ERBB4: variants seen among roughly 807,000 people sequenced by gnomAD.
ERBB4 encodes the protein erb-b2 receptor tyrosine kinase 4, also known as receptor tyrosine-protein kinase erbB-4.
In ERBB4, 42 loss-of-function variants were observed where a neutral mutation model predicts 158.0. The observed-to-expected ratio is 0.27, with a 90% CI of 0.21 to 0.34. The LOEUF (loss-of-function observed/expected upper bound fraction) is 0.34, where lower values mean the gene tolerates loss of function less well. Ranked by LOEUF, ERBB4 falls within the 10% of genes least tolerant of loss-of-function variation. The pLI, the probability that ERBB4 is intolerant of heterozygous loss-of-function variation, is 1.00. For missense variants in ERBB4, 1,333 were observed against 1,624.1 expected (o/e 0.82, Z 3.08); for synonymous variants, 583 against 558.7 (o/e 1.04, Z -0.61).
In ERBB4 at chr2:211,679,198, A is replaced by AGATC. The variant is rs765478846; in HGVS notation, c.1490-15_1490-14insGATC. 3 of 1,613,218 alleles carry AGATC rather than the reference A, an allele frequency of 1.9e-6. No homozygotes were observed. In the Admixed American group the frequency reaches 5.0e-5, roughly 27 times the overall value. ...TTCCTTCAGCAGCTGTGAAACACCA[A>AGATC]AATCAAGGGGAAATAAAACAGAGGA... On this transcript the variant is annotated splice_polypyrimidine_tract_variant and intron_variant, in intron 12 of 27. Coordinates refer to ENST00000342788, the MANE Select transcript of ERBB4 (RefSeq NM_005235.3).
At chr2:211,691,568 ATGTGTGTGTGTGTGTGTG>A (rs61091828) in intron 12 of ERBB4, among the ~76,000 whole-genome samples, 4 of 139,052 alleles carry the variant, frequency 2.9e-5, no homozygotes, top group African/African-American at 1.1e-4. Flanking sequence ...ATAGAAACAT[ATGTGTGTGTGTGTGTGTG>A]TGTGTGTGTG....
chr2:211,666,500 T>C (rs911181209), intron 14 of ERBB4, among the ~76,000 whole-genome samples: 2 of 152,182 alleles, frequency 1.3e-5, no homozygotes, highest in African/African-American at 4.8e-5. Context: ...AAAACATATA[T>C]GAATTTTACA....
At chr2:212,304,740 G>C (rs2086745605) in intron 1 of ERBB4, among the ~76,000 whole-genome samples, 1 of 151,388 alleles carries the variant, frequency 6.6e-6, no homozygotes, top group South Asian at 2.1e-4. Context: ...TCAAGAACCT[G>C]AGCCCTTCTA....
At chr2:212,521,817 T>C (rs1332711290) in intron 1 of ERBB4, among the ~76,000 whole-genome samples, 1 of 151,960 alleles carries the variant, frequency 6.6e-6, no homozygotes, top group East Asian at 1.9e-4. Flanking sequence ...TCCTCTATTT[T>C]ACTCCTTGCA....
intron 19 of ERBB4, among the ~76,000 whole-genome samples, chr2:211,592,889 T>C (rs1369107702): frequency 1.3e-5 from 2 of 151,972 alleles, no homozygotes; most frequent in Non-Finnish European, 2.9e-5. Context: ...TGGGCACCTG[T>C]AATCCCAGCT....
intron 20 of ERBB4, among the ~76,000 whole-genome samples, chr2:211,491,384 T>C (rs547918016): frequency 2.6e-5 from 4 of 152,192 alleles, no homozygotes; most frequent in Non-Finnish European, 4.4e-5. Context: ...GATTCTTTAA[T>C]TGGACATGAC....
rs2106131845 is a variant in ERBB4 at position 211,725,132 on chromosome 2, A to T, written c.685T>A (p.Cys229Ser). The T allele has an allele frequency of 6.2e-7, 1 of 1,614,174 alleles. No homozygotes were observed. Among genetic ancestry groups the T allele is most frequent in the South Asian group, 1.1e-5 (1 of 91,086 alleles). ...GRCYGPYVSDCCHRECAGGCS... is the reference protein window; with the variant it reads ...GRCYGPYVSDSCHRECAGGCS... Reference sequence around the variant, plus strand: ...CCTCCAGCACATTCTCGATGGCAGCAGTCACTGACGTAAGGTCCGTAGCAT... The same window carrying T: ...CCTCCAGCACATTCTCGATGGCAGCTGTCACTGACGTAAGGTCCGTAGCAT... Residue 229 changes from cysteine to serine, a missense_variant, in exon 6 of 28, where the codon TGC becomes AGC. Transcript: ENST00000342788.
At chr2:211,445,925 G>A (rs1037580356) in intron 20 of ERBB4, among the ~76,000 whole-genome samples, 3 of 152,136 alleles carry the variant, frequency 2.0e-5, no homozygotes, top group Non-Finnish European at 4.4e-5. Flanking sequence ...TGTTCCAGCA[G>A]CAGAGATGGG....
At chr2:211,914,457 G>A (rs2079631865) in intron 3 of ERBB4, among the ~76,000 whole-genome samples, 1 of 151,890 alleles carries the variant, frequency 6.6e-6, no homozygotes, top group Non-Finnish European at 1.5e-5. Flanking sequence ...TTAAAATTTT[G>A]ATTTAAAGAT....
At chr2:212,367,838 A>G (rs938687884) in intron 1 of ERBB4, among the ~76,000 whole-genome samples, 1 of 152,122 alleles carries the variant, frequency 6.6e-6, no homozygotes, top group Non-Finnish European at 1.5e-5. Context: ...AAAATGCTCA[A>G]CATCACTAAT....
At chr2:211,881,392 G>A (rs974766220) in intron 3 of ERBB4, among the ~76,000 whole-genome samples, 2 of 152,108 alleles carry the variant, frequency 1.3e-5, no homozygotes, top group African/African-American at 4.8e-5. Context: ...ATACTGAGCC[G>A]CAAACATCGA....
chr2:212,508,968 T>A (rs766063208), intron 1 of ERBB4, among the ~76,000 whole-genome samples: 1 of 152,162 alleles, frequency 6.6e-6, no homozygotes, highest in Non-Finnish European at 1.5e-5. Context: ...AGGCTTTGAA[T>A]TAATGTGGTA....
chr2:211,962,681 C>A (rs538516218), intron 2 of ERBB4, among the ~76,000 whole-genome samples: 1 of 152,180 alleles, frequency 6.6e-6, no homozygotes, highest in East Asian at 1.9e-4. Flanking sequence ...GCAAGAGATG[C>A]GGAAGGCAGT....
intron 1 of ERBB4, among the ~76,000 whole-genome samples, chr2:212,278,801 A>G (rs1020685933): frequency 1.3e-5 from 2 of 151,680 alleles, no homozygotes; most frequent in Non-Finnish European, 3.0e-5. Context: ...AGAAAAGGTT[A>G]ACTTGCCTCA....
At chr2:211,411,060 C>T (rs537219544) in intron 25 of ERBB4, among the ~76,000 whole-genome samples, 23 of 152,236 alleles carry the variant, frequency 1.5e-4, no homozygotes, top group African/African-American at 4.3e-4. Flanking sequence ...AGGCATGCGC[C>T]GCTACACCCA....
chr2:211,401,628 T>C (rs1392861704), intron 25 of ERBB4, among the ~76,000 whole-genome samples: 3 of 152,098 alleles, frequency 2.0e-5, no homozygotes, highest in Non-Finnish European at 4.4e-5. Context: ...GGTGGAGACA[T>C]CATTCCTATA....
chr2:212,348,193 C>T (rs925833360), intron 1 of ERBB4, among the ~76,000 whole-genome samples: 3 of 152,124 alleles, frequency 2.0e-5, no homozygotes, highest in African/African-American at 7.2e-5. Context: ...AAGTGAAACA[C>T]CTGGGTGCTT....
chr2:211,619,502 G>C (rs1352058096), intron 18 of ERBB4, among the ~76,000 whole-genome samples: 1 of 152,058 alleles, frequency 6.6e-6, no homozygotes, highest in East Asian at 1.9e-4. Context: ...CTTTCAAGAT[G>C]TTTACACTAC....
chr2:211,953,289 C>T lies in ERBB4; in HGVS notation c.235-5673G>A, dbSNP rs1040087521. Among the ~76,000 whole-genome samples, 17 of 151,780 alleles carry T rather than the reference C, an allele frequency of 1.1e-4. 1 individual carries two copies. The highest frequency in any genetic ancestry group is 1.0e-3 in the South Asian group (5 of 4,806). On this transcript the variant is annotated intron_variant, in intron 2 of 27. Transcript: ENST00000342788. ...TAGGAGAAATACCTAATGTAGGTGA[C>T]GGGTTGATGGGTACAGCAAACCACC...
Sources: gnomAD v4.1 joint callset for allele counts (sites outside exome capture counted in the v4.1 genomes callset) on GRCh38, gnomAD v4.1.1 for gene constraint, MANE v1.5 for transcripts, NCBI Gene and HGNC (gene_info 2026-07-23, HGNC 2026-07-21) for gene names.